Variants in TAOK2 observed in about 807,000 individuals in gnomAD.
TAOK2 encodes the protein TAO kinase 2, also known as serine/threonine-protein kinase TAO2.
Under a neutral mutation model 122.5 loss-of-function variants are expected in TAOK2, and 42 were observed. The ratio of observed to expected loss-of-function variants is 0.34; its 90% CI spans 0.27 to 0.44. TAOK2 has a LOEUF of 0.44. TAOK2 is among the 20% of genes least tolerant of loss of function. TAOK2 has a pLI of 1.00. For missense variants in TAOK2, 1,264 were observed against 1,644.9 expected (o/e 0.77, Z 4.01); for synonymous variants, 704 against 677.6 (o/e 1.04, Z -0.61).
intron 1 of TAOK2, 94 bp from the exon 2 acceptor site, chr16:29,977,644 A>G: frequency 8.7e-7 from 1 of 1,144,318 alleles, no homozygotes. Context: ...CTCATCAGGG[A>G]ATGAGGGGAG....
downstream of TAOK2, chr16:29,991,441 G>C (rs1200489998): frequency 6.6e-7 from 1 of 1,513,674 alleles, no homozygotes; most frequent in Non-Finnish European, 8.9e-7. The surrounding 1 kb of genome is among the most constrained non-coding windows in gnomAD (Gnocchi z 5.6). Flanking sequence ...CCCCTGCGGC[G>C]GGCAGCCTCG....
At position 29,986,372 on chromosome 16, in the gene TAOK2, C is replaced by T. The variant is rs771229453; in HGVS notation, c.2100C>T (p.Arg700=). The T allele has an allele frequency of 2.5e-6, 4 of 1,607,004 alleles. No individual in the cohort carries two copies. The highest frequency in any genetic ancestry group is 3.4e-6 in the Non-Finnish European group (4 of 1,176,342). The change falls in exon 16 of 16, where the codon CGC becomes CGT. Residue 700 remains arginine, a synonymous_variant. Coordinates refer to ENST00000308893, the MANE Select transcript of TAOK2 (RefSeq NM_016151.4). This position sits in a 1 kb window ranked among gnomAD's most constrained non-coding sequence, Gnocchi z 4.2. ...TGCGGCAGCTCCAGGCCGTGCAGCG[C>T]ACGCGGGCTGAGCTCACCCGCCTGC... is the stretch of plus-strand genomic sequence containing the variant. The part of the protein sequence containing the change: ...LELRQLQAVQ[R]TRAELTRLQH...
At chr16:29,976,850 T>G (rs926899829) in intron 1 of TAOK2, among the ~76,000 whole-genome samples, 14 of 152,240 alleles carry the variant, frequency 9.2e-5, no homozygotes, top group Non-Finnish European at 1.8e-4. Context: ...TGATCATGAT[T>G]CTGCCCTGCC....
At chr16:29,978,940 C>T (rs759520540) in intron 5 of TAOK2, 34 bp from the exon 6 acceptor site, 1 of 1,613,494 alleles carries the variant, frequency 6.2e-7, no homozygotes. Flanking sequence ...CACCCTTGCG[C>T]TCCCTCGGGT....
intron 8 of TAOK2, 34 bp from the exon 9 acceptor site, chr16:29,981,627 C>G: frequency 6.2e-7 from 1 of 1,605,264 alleles, no homozygotes; most frequent in Middle Eastern, 1.7e-4. Context: ...CCCCTGCCAC[C>G]TCTCACCTTC....
chr16:29,989,896 C>T (rs2069927103), downstream of TAOK2: 5 of 1,357,984 alleles, frequency 3.7e-6, no homozygotes, highest in South Asian at 1.3e-5. Flanking sequence ...ATGCACAGAG[C>T]TGGGGCTTTT....
rs1280466091 is a variant in TAOK2 at position 29,986,070 on chromosome 16, C to T, written c.1993-195C>T. On this transcript the variant is annotated intron_variant, in intron 15 of 15. Transcript: ENST00000308893. The surrounding 1 kb of genome is among the most constrained non-coding windows in gnomAD (Gnocchi z 4.2). ...TTTCCCAGGCCAGGGAGGAGCTTGC[C>T]TCCCCTACACCCTCATCTCCTGCCA... Among the ~76,000 whole-genome samples, 5 of 152,188 alleles carry T rather than the reference C, an allele frequency of 3.3e-5. No individual in the cohort carries two copies. The highest frequency in any genetic ancestry group is 9.7e-5 in the African/African-American group (4 of 41,440).
Position 29,985,267 on chromosome 16 carries a change from A to G in TAOK2, c.1477A>G (p.Ser493Gly). The G allele has an allele frequency of 6.4e-7, 1 of 1,570,692 alleles. No individual in the cohort carries two copies. The highest frequency in any genetic ancestry group is 8.6e-7 in the Non-Finnish European group (1 of 1,156,954). Reference protein sequence around the residue: ...EQDSALREQLSGYKRMRRQHQ... With the variant: ...EQDSALREQLGGYKRMRRQHQ... ...GGACTCTGCGCTGCGGGAGCAGCTG[A>G]GCGGCTATAAGCGGATGCGACGACA... Residue 493 changes from serine (S) to glycine (G), a missense_variant, in exon 14 of 16, where the codon AGC becomes GGC. Ser to Gly is a moderately conservative substitution (Grantham distance 56, BLOSUM62 0). This residue lies in a region of TAOK2 where 64 missense variants were observed against 115.7 expected (regional missense o/e 0.55). Transcript: ENST00000308893. The surrounding 1 kb of genome is among the most constrained non-coding windows in gnomAD (Gnocchi z 6.9).
At chr16:29,981,511 T>G in intron 8 of TAOK2, 150 bp from the exon 9 acceptor site, 1 of 732,874 alleles carries the variant, frequency 1.4e-6, no homozygotes, top group South Asian at 1.5e-5. Context: ...AGGAATTAAC[T>G]GAGACGCAAC....
rs1275695686 is a variant in TAOK2 at position 29,988,220 on chromosome 16, G to A, written c.*240G>A. The A allele has an allele frequency of 1.4e-6, 2 of 1,438,014 alleles. No individual in the cohort carries two copies. The highest frequency in any genetic ancestry group is 2.9e-5 in the African/African-American group (2 of 69,730). The allele number at this position is 1,438,014 out of a possible 1,614,324, so 89.1% of individuals were successfully genotyped here. On this transcript the variant is annotated 3_prime_UTR_variant, in exon 16 of 16. Coordinates refer to ENST00000308893, the MANE Select transcript of TAOK2 (RefSeq NM_016151.4). ...AGTTATTGCTGTTCGCCCGCTGTGTGTGCTCATCCTCACCCTCATTGACTC... is the reference window on the plus strand; with the variant it reads ...AGTTATTGCTGTTCGCCCGCTGTGTATGCTCATCCTCACCCTCATTGACTC...
At chr16:29,977,530 C>G (rs1455826888) in intron 1 of TAOK2, among the ~76,000 whole-genome samples, 1 of 152,132 alleles carries the variant, frequency 6.6e-6, no homozygotes, top group Non-Finnish European at 1.5e-5. Context: ...TTTAGGGACT[C>G]CAGGGACCCA....
downstream of TAOK2, chr16:29,989,895 G>T: frequency 1.5e-6 from 2 of 1,364,862 alleles, no homozygotes; most frequent in Non-Finnish European, 2.0e-6. Context: ...CATGCACAGA[G>T]CTGGGGCTTT....
rs368886804 is a variant in TAOK2, at chr16:29,988,140, T to C, written c.*160T>C. On this transcript the variant is annotated 3_prime_UTR_variant, in exon 16 of 16. Transcript: ENST00000308893. ...CCTTCGGACCTCTAGACAGGCAGCC[T>C]CCTCAGCTGTGGAGTCCAGCAGTCA... The C allele has an allele frequency of 2.8e-6, 4 of 1,432,858 alleles. No individual in the cohort carries two copies. The East Asian group carries it at 1.0e-4, about 36-fold the overall frequency. The allele number at this position is 1,432,858 out of a possible 1,614,324, so 88.8% of individuals were successfully genotyped here.
downstream of TAOK2, chr16:29,989,342 A>T: frequency 1.0e-6 from 1 of 984,632 alleles, no homozygotes; most frequent in Non-Finnish European, 1.2e-6. Flanking sequence ...TCTCTTGCCC[A>T]TCGAGACCTT....
At position 29,983,337 on chromosome 16, in the gene TAOK2, A is replaced by G. The variant is rs1226187728; in HGVS notation, c.1260+5A>G. 6.3e-7 allele frequency: 1 copy of G among 1,591,922 alleles called. No individual in the cohort carries two copies. On this transcript the variant is annotated splice_donor_5th_base_variant and intron_variant, in intron 12 of 15. Transcript: ENST00000308893. ...TCCATTATCCACCGGCTGCCGGTAC[A>G]CAGCTCACCCTTGGGGGACCCGAGC... is the stretch of plus-strand genomic sequence containing the variant.
downstream of TAOK2, chr16:29,989,335 C>T: frequency 1.0e-6 from 1 of 985,322 alleles, no homozygotes; most frequent in Non-Finnish European, 1.2e-6. Flanking sequence ...CTCTGCATCT[C>T]TTGCCCATCG....
downstream of TAOK2, chr16:29,992,071 GTGCCGTCTTGTCCTTTA>G (rs2069984097): frequency 6.6e-6 from 1 of 152,288 alleles, no homozygotes; most frequent in South Asian, 2.1e-4. Context: ...CTGACGTCCT[GTGCCGTCTTGTCCTTTA>G]TCTTTTTTTT....
chr16:29,990,435 A>G (rs977319841), downstream of TAOK2: 2 of 195,536 alleles, frequency 1.0e-5, no homozygotes, highest in Non-Finnish European at 2.1e-5. Context: ...TTTCTTGGAC[A>G]TCTTCCCCTG....
chr16:29,982,672 A>G lies in TAOK2; in HGVS notation c.832-62A>G, dbSNP rs908916576. 7 of 1,570,138 alleles carry G rather than the reference A, an allele frequency of 4.5e-6. No homozygotes were observed. In the Admixed American group the frequency reaches 7.1e-5, roughly 16 times the overall value. ...GTGCCTCAGGCCTGAGGGAATGCCA[A>G]GGGCTGTGGGTTGTGGGGGGAAGGG... On this transcript the variant is annotated intron_variant, in intron 10 of 15. Transcript: ENST00000308893.
Sources: allele counts gnomAD v4.1 joint callset (sites outside exome capture counted in the v4.1 genomes callset), GRCh38; gene constraint gnomAD v4.1.1; regional missense constraint gnomAD v4.1.1; non-coding constraint Gnocchi (gnomAD v3.1); transcripts MANE v1.5; gene names NCBI Gene and HGNC (gene_info 2026-07-23, HGNC 2026-07-21).